XDH: variants seen among roughly 807,000 people sequenced by gnomAD.
The protein encoded by XDH is xanthine dehydrogenase/oxidase.
In XDH, 138 loss-of-function variants were observed where a neutral mutation model predicts 156.1. That is an observed-to-expected ratio of 0.88 (90% CI 0.77 to 1.02). The LOEUF (loss-of-function observed/expected upper bound fraction) is 1.02. Among genes scored for constraint, XDH ranks in the 50% least tolerant of loss-of-function variants. The pLI, the probability that XDH is intolerant of heterozygous loss-of-function variation, is 0.00. For missense variants in XDH, 1,849 were observed against 1,684.9 expected (o/e 1.10, Z -1.71); for synonymous variants, 669 against 625.7 (o/e 1.07, Z -1.03).
chr2:31,384,012 G>T, intron 9 of XDH, 165 bp from the exon 10 acceptor site: 2 of 710,498 alleles, frequency 2.8e-6, no homozygotes, highest in Non-Finnish European at 5.0e-6. Flanking sequence ...CAGTAGACCA[G>T]GGGTGGGATT....
chr2:31,397,117 G>A (rs1686931180), intron 6 of XDH, among the ~76,000 whole-genome samples: 1 of 152,198 alleles, frequency 6.6e-6, no homozygotes, highest in South Asian at 2.1e-4. Flanking sequence ...GTGTGTATGT[G>A]TTTATATAAT....
intron 3 of XDH, among the ~76,000 whole-genome samples, chr2:31,401,708 G>A (rs967176874): frequency 1.3e-5 from 2 of 152,280 alleles, no homozygotes; most frequent in South Asian, 4.1e-4. Context: ...CTGCCTGCAG[G>A]GCTGTTCCTT....
chr2:31,401,265 A>T lies in XDH; in HGVS notation c.261T>A (p.Thr87=). The change falls in exon 4 of 36, where the codon ACT becomes ACA. Residue 87 remains threonine (T), a synonymous_variant. Coordinates refer to ENST00000379416, the MANE Select transcript of XDH (RefSeq NM_000379.4). ...ICSLHHVAVT[T]VEGIGSTKTR... is the part of the protein sequence containing the mutation. ...TCTTGGTGCTTCCTATTCCTTCCAC[A>T]GTTGTCACTGCAACATGGTGCAAGG... The T allele has an allele frequency of 6.2e-7, 1 of 1,614,158 alleles. No individual in the cohort carries two copies. The highest frequency in any genetic ancestry group is 8.5e-7 in the Non-Finnish European group (1 of 1,180,024).
chr2:31,365,926 C>T (rs763372069), intron 22 of XDH, 50 bp downstream of exon 22: 15 of 1,613,702 alleles, frequency 9.3e-6, no homozygotes, highest in East Asian at 4.5e-5. Flanking sequence ...CACAGACAGC[C>T]TTATTCTTCT....
At position 31,341,242 on chromosome 2, in the gene XDH, C is replaced by A. The variant is rs566962352; in HGVS notation, c.3585+87G>T. 7 of 1,310,814 alleles carry A rather than the reference C, an allele frequency of 5.3e-6. No homozygotes were observed. In the Admixed American group the frequency reaches 7.9e-5, roughly 15 times the overall value. 81.2% of individuals were successfully genotyped at this position (1,310,814 alleles called of 1,614,324 possible). ...CAGCCTGTTTGAAGACAACCTTGGACAACATGTTGTGGCAGGTGGCCCCAG... is the reference window on the plus strand; with the variant it reads ...CAGCCTGTTTGAAGACAACCTTGGAAAACATGTTGTGGCAGGTGGCCCCAG... On this transcript the variant is annotated intron_variant, in intron 33 of 35. Transcript: ENST00000379416.
At chr2:31,405,572 C>G (rs1033053452) in intron 2 of XDH, among the ~76,000 whole-genome samples, 3 of 152,136 alleles carry the variant, frequency 2.0e-5, no homozygotes, top group African/African-American at 7.2e-5. Flanking sequence ...GCAAATGTCA[C>G]CTAAGGAAGG....
Position 31,348,344 on chromosome 2 carries a change from A to G in XDH, c.3071T>C (p.Val1024Ala), listed in dbSNP as rs1423901370. The change falls in exon 28 of 36, where the codon GTG becomes GCG. Residue 1024 changes from valine to alanine, a missense_variant. Transcript: ENST00000379416. ...FLNQAGALLHVYTDGSVLLTH... is the reference protein window; with the variant it reads ...FLNQAGALLHAYTDGSVLLTH... The stretch of plus-strand genomic sequence containing the variant: ...CAGCAGCACAGAGCCATCTGTGTAC[A>G]CATGAAGTAGGGCTCCTGCCTAGGG... The G allele has an allele frequency of 2.5e-6, 4 of 1,614,226 alleles. No homozygotes were observed. The highest frequency in any genetic ancestry group is 3.4e-6 in the Non-Finnish European group (4 of 1,180,048).
intron 4 of XDH, among the ~76,000 whole-genome samples, chr2:31,400,202 G>A (rs577276640): frequency 2.0e-3 from 296 of 151,720 alleles, no homozygotes; most frequent in Non-Finnish European, 2.7e-3. Flanking sequence ...ATAATCAAGG[G>A]AGGATTAAGA....
At chr2:31,395,844 A>G (rs1449491695) in intron 6 of XDH, among the ~76,000 whole-genome samples, 2 of 152,198 alleles carry the variant, frequency 1.3e-5, no homozygotes, top group African/African-American at 4.8e-5. Flanking sequence ...CTTCTTGTTT[A>G]GATGAAATAA....
At chr2:31,408,417 G>C (rs1687250736) in intron 1 of XDH, among the ~76,000 whole-genome samples, 1 of 152,160 alleles carries the variant, frequency 6.6e-6, no homozygotes, top group African/African-American at 2.4e-5. Flanking sequence ...GGATACCAAT[G>C]GGTATCCCAA....
rs1167147288 is a variant in XDH, at chr2:31,372,394, C to A, written c.1690G>T (p.Val564Leu). ...TCCTCCTCAGACTGACCCTTGGGCA[C>A]CTCCTGGAATGACAGGGTCATCAAT... ...PPADVQLFQEVPKGQSEEDMV... is the reference protein window; with the variant it reads ...PPADVQLFQELPKGQSEEDMV... Residue 564 changes from valine (V) to leucine (L), a missense_variant, in exon 17 of 36, where the codon GTG becomes TTG. Physicochemically the swap from Val to Leu is conservative, Grantham distance 32. Transcript: ENST00000379416. 1.2e-6 allele frequency: 2 copies of A among 1,613,904 alleles called. No homozygotes were observed. The highest frequency in any genetic ancestry group is 1.7e-6 in the Non-Finnish European group (2 of 1,180,052).
chr2:31,337,078 A>G (rs1027019299), intron 35 of XDH, among the ~76,000 whole-genome samples: 10 of 152,010 alleles, frequency 6.6e-5, no homozygotes, highest in African/African-American at 2.4e-4. Context: ...ACTTTCTGCC[A>G]CATACACCTC....
intron 14 of XDH, among the ~76,000 whole-genome samples, 192 bp downstream of exon 14, chr2:31,376,861 T>C (rs542111802): frequency 6.6e-6 from 1 of 150,502 alleles, no homozygotes; most frequent in African/African-American, 2.4e-5. Flanking sequence ...GTAGTATCGG[T>C]AATAGTAGTA....
In XDH at chr2:31,350,169, G is replaced by A. The variant is rs765576781; in HGVS notation, c.2686C>T (p.Arg896Trp). The change falls in exon 25 of 36, where the codon CGG becomes TGG. Residue 896 changes from arginine (R) to tryptophan (W), a missense_variant. By Grantham distance (101) the Arg-to-Trp change is moderately radical. Coordinates refer to ENST00000379416, the MANE Select transcript of XDH (RefSeq NM_000379.4). The stretch of plus-strand genomic sequence containing the variant: ...GTTTTGCACAGCCGCCCAGTGCCCC[G>A]GATGTTGGGGATTTTATAGCAGTTG... ...MDNCYKIPNI[R>W]GTGRLCKTNL... The A allele has an allele frequency of 2.8e-5, 45 of 1,614,022 alleles. No homozygotes were observed. The highest frequency in any genetic ancestry group is 3.3e-5 in the Admixed American group (2 of 60,000).
Position 31,349,673 on chromosome 2 carries a change from T to C in XDH, c.2969+13A>G. On this transcript the variant is annotated intron_variant, in intron 26 of 35. Transcript: ENST00000379416. The stretch of plus-strand genomic sequence containing the variant: ...CCCAGAAGAGCAACTGGACTTCTAC[T>C]CCTAGTGCTTACTTGTTGAACTTGT... The C allele has an allele frequency of 6.2e-7, 1 of 1,614,142 alleles. No individual in the cohort carries two copies. Among genetic ancestry groups the C allele is most frequent in the Middle Eastern group, 1.6e-4 (1 of 6,062 alleles).
At chr2:31,347,858 C>T (rs1572515493) in intron 28 of XDH, among the ~76,000 whole-genome samples, 1 of 152,208 alleles carries the variant, frequency 6.6e-6, no homozygotes, top group Non-Finnish European at 1.5e-5. Context: ...CATAAACTGA[C>T]AAACAGTGCC....
In XDH at chr2:31,337,533, G is replaced by T. The variant is rs972174504; in HGVS notation, c.3951+108C>A. 142 of 1,537,538 alleles carry T rather than the reference G, an allele frequency of 9.2e-5. No homozygotes were observed. The African/African-American group carries it at 1.8e-3, about 19-fold the overall frequency. ...GGTGGCCATTGATGCAAGGCTGCCCGGTTAGGAGAGAGCCCAACACCTCTC... is the reference window on the plus strand; with the variant it reads ...GGTGGCCATTGATGCAAGGCTGCCCTGTTAGGAGAGAGCCCAACACCTCTC... On this transcript the variant is annotated intron_variant, in intron 35 of 35. Transcript: ENST00000379416.
In XDH at chr2:31,401,308, C is replaced by G; in HGVS notation, c.218G>C (p.Cys73Ser). ...NKIVHFSANA[C>S]LAPICSLHHV... is the part of the protein sequence containing the mutation. The stretch of plus-strand genomic sequence containing the variant: ...GTGCAAGGAGCAGATGGGGGCCAGG[C>G]AGGCATTGGCAGAAAAGTGGCTAGA... Residue 73 changes from cysteine to serine, a missense_variant, in exon 4 of 36, where the codon TGC becomes TCC. Physicochemically the swap from Cys to Ser is moderately radical, Grantham distance 112. Coordinates refer to ENST00000379416, the MANE Select transcript of XDH (RefSeq NM_000379.4). The G allele has an allele frequency of 6.2e-7, 1 of 1,614,190 alleles. No individual in the cohort carries two copies.
In XDH at chr2:31,367,964, A is replaced by G. The variant is rs1298009561; in HGVS notation, c.2194T>C (p.Ser732Pro). 1.9e-6 allele frequency: 3 copies of G among 1,614,152 alleles called. 1 individual carries two copies. The highest frequency in any genetic ancestry group is 1.6e-4 in the Middle Eastern group (1 of 6,062). The change falls in exon 20 of 36, where the codon TCA (serine) becomes CCA (proline). Residue 732 changes from serine (S) to proline (P), a missense_variant. Physicochemically the swap from Ser to Pro is moderately conservative, Grantham distance 74. Transcript: ENST00000379416. The stretch of plus-strand genomic sequence containing the variant: ...CTGCGGCATGGAACAGCTCTACCTG[A>G]CACAACATTATCTGCTTCGGAAAAC... ...KGFSEADNVV[S>P]GEIYIGGQEH... is the part of the protein sequence containing the mutation.
Sources: gnomAD v4.1 joint callset for allele counts (sites outside exome capture counted in the v4.1 genomes callset) on GRCh38, gnomAD v4.1.1 for gene constraint, MANE v1.5 for transcripts, NCBI Gene and HGNC (gene_info 2026-07-23, HGNC 2026-07-21) for gene names.